The following MSRB3 variants were observed in gnomAD, a reference collection of about 807,000 sequenced individuals.
MSRB3 encodes the protein methionine sulfoxide reductase B3, also known as methionine-R-sulfoxide reductase B3.
MSRB3 carries 13 observed loss-of-function variants against 21.0 expected under a neutral mutation model. The ratio of observed to expected loss-of-function variants is 0.62; its 90% confidence interval spans 0.40 to 0.98. The LOEUF is 0.98. Among genes scored for constraint, MSRB3 ranks in the 50% least tolerant of loss-of-function variants. The pLI is 0.00. For missense variants in MSRB3, 199 were observed against 230.3 expected (o/e 0.86, Z 0.88); for synonymous variants, 87 against 88.6 (o/e 0.98, Z 0.10).
chr12:65,419,537 C>G, intron 5 of MSRB3: 1 of 741,546 alleles, frequency 1.3e-6, no homozygotes, highest in African/African-American at 1.7e-5. Context: ...CTAAAGGCAT[C>G]AGCAGCAAGA....
chr12:65,403,486 C>T (rs1291990127), intron 5 of MSRB3, among the ~76,000 whole-genome samples: 4 of 152,176 alleles, frequency 2.6e-5, no homozygotes, highest in South Asian at 4.1e-4. Flanking sequence ...AGTTCAACTT[C>T]GGACTGCTGT....
chr12:65,390,760 A>G (rs1244259858), intron 5 of MSRB3, among the ~76,000 whole-genome samples: 2 of 152,178 alleles, frequency 1.3e-5, no homozygotes, highest in Non-Finnish European at 2.9e-5. Context: ...CATACTCTCT[A>G]CATGGAAAAA....
intron 5 of MSRB3, among the ~76,000 whole-genome samples, chr12:65,389,714 C>T (rs971366239): frequency 6.6e-6 from 1 of 152,152 alleles, no homozygotes; most frequent in African/African-American, 2.4e-5. Flanking sequence ...CATTTTTCAC[C>T]TTTGCCAGTG....
In MSRB3 at chr12:65,369,019, C is replaced by T. The variant is rs151307487; in HGVS notation, c.285C>T (p.Ser95=). Residue 95 remains serine, a synonymous_variant, in exon 5 of 7, where the codon TCC becomes TCT. Transcript: ENST00000308259. ...PLFKSETKFD[S]GSGWPSFHDV... is the part of the protein sequence containing the mutation. ...GCAGGTCAGAAACCAAATTTGACTC[C>T]GGTTCAGGTATGTTTACATTAATAA... is the stretch of plus-strand genomic sequence containing the variant. The T allele has an allele frequency of 4.4e-5, 66 of 1,494,340 alleles. No individual in the cohort carries two copies. The highest frequency in any genetic ancestry group is 1.3e-4 in the African/African-American group (9 of 70,266). 92.6% of individuals were successfully genotyped at this position (1,494,340 alleles called of 1,614,324 possible). A position where few individuals can be genotyped will look rare whatever the true frequency, so the allele number is the denominator to read the frequency against.
intron 5 of MSRB3, chr12:65,419,960 C>A: frequency 1.8e-6 from 1 of 570,460 alleles, no homozygotes; most frequent in Non-Finnish European, 3.4e-6. Flanking sequence ...AGCTGGGCAC[C>A]TGGATGGAGC....
chr12:65,348,036 C>G (rs1312604036), intron 4 of MSRB3, among the ~76,000 whole-genome samples: 3 of 152,126 alleles, frequency 2.0e-5, no homozygotes, highest in Non-Finnish European at 2.9e-5. Flanking sequence ...GGATATTGGT[C>G]TAAAATTCTC....
chr12:65,368,936 A>T, intron 4 of MSRB3, 62 bp from the exon 5 acceptor site: 2 of 172,540 alleles, frequency 1.2e-5, no homozygotes, highest in Non-Finnish European at 2.4e-5. Flanking sequence ...CCCCCCCCCC[A>T]TGAAATAATT....
intron 5 of MSRB3, among the ~76,000 whole-genome samples, chr12:65,386,633 G>A (rs181140115): frequency 3.9e-5 from 6 of 152,014 alleles, no homozygotes; most frequent in East Asian, 1.9e-4. Context: ...CTGGTTTAGC[G>A]TGTTAAGATA....
Position 65,453,960 on chromosome 12 carries a change from G to A in MSRB3, c.390+135G>A. On this transcript the variant is annotated intron_variant, in intron 6 of 6. Coordinates refer to ENST00000308259, the MANE Select transcript of MSRB3 (RefSeq NM_001031679.3). Reference sequence around the variant, plus strand: ...GACGAAGTTTATATGAAGTCCGATGGATGCCTATGTTCAGGTGTTTAGCAA... The same window carrying A: ...GACGAAGTTTATATGAAGTCCGATGAATGCCTATGTTCAGGTGTTTAGCAA... 5 of 743,762 alleles carry A rather than the reference G, an allele frequency of 6.7e-6. No individual in the cohort carries two copies. In the South Asian group the frequency reaches 7.2e-5, roughly 11 times the overall value. 46.1% of individuals were successfully genotyped at this position (743,762 alleles called of 1,614,324 possible).
chr12:65,446,137 ACACATCCTTATATTTG>A (rs1882605651), intron 5 of MSRB3, among the ~76,000 whole-genome samples: 1 of 152,146 alleles, frequency 6.6e-6, no homozygotes, highest in Non-Finnish European at 1.5e-5. Flanking sequence ...CATATGGGGG[ACACATCCTTATATTTG>A]CAATGGCAGG....
chr12:65,358,936 T>A (rs1028707796), intron 4 of MSRB3, among the ~76,000 whole-genome samples: 6 of 151,968 alleles, frequency 3.9e-5, no homozygotes, highest in Non-Finnish European at 8.8e-5. Flanking sequence ...CCTGGATGCA[T>A]TGGCCTCCCG....
intron 5 of MSRB3, among the ~76,000 whole-genome samples, chr12:65,394,485 A>G (rs1156686920): frequency 2.0e-5 from 3 of 152,356 alleles, no homozygotes; most frequent in East Asian, 1.9e-4. Context: ...CCCAGCCAGT[A>G]TCACTTCACT....
At chr12:65,333,247 AAC>A (rs1204587376) in intron 4 of MSRB3, among the ~76,000 whole-genome samples, 1 of 152,220 alleles carries the variant, frequency 6.6e-6, no homozygotes, top group Non-Finnish European at 1.5e-5. Flanking sequence ...TAGTAAGAAA[AAC>A]ACAACAAACC....
At chr12:65,294,677 A>G (rs563602809) in intron 1 of MSRB3, among the ~76,000 whole-genome samples, 2 of 152,268 alleles carry the variant, frequency 1.3e-5, no homozygotes, top group South Asian at 4.1e-4. Flanking sequence ...TTTATATGAG[A>G]CATTATTTTT....
intron 4 of MSRB3, among the ~76,000 whole-genome samples, chr12:65,342,737 G>A (rs551181975): frequency 2.6e-5 from 4 of 152,042 alleles, no homozygotes; most frequent in South Asian, 2.1e-4. Flanking sequence ...AGGAGTCTAT[G>A]TAAATGAGCT....
intron 5 of MSRB3, among the ~76,000 whole-genome samples, chr12:65,423,327 TG>T (rs1245716628): frequency 6.6e-6 from 1 of 152,170 alleles, no homozygotes; most frequent in Non-Finnish European, 1.5e-5. Flanking sequence ...CTTTCCAATT[TG>T]GGTGTATTTT....
rs529929020 is a variant in MSRB3 at position 65,397,328 on chromosome 12, T to C, written c.292+28302T>C. Among the ~76,000 whole-genome samples the C allele has an allele frequency of 2.0e-5, 3 of 152,310 alleles. No individual in the cohort carries two copies. In the South Asian group the frequency reaches 6.2e-4, roughly 32 times the overall value. On this transcript the variant is annotated intron_variant, in intron 5 of 6. Coordinates refer to ENST00000308259, the MANE Select transcript of MSRB3 (RefSeq NM_001031679.3). Reference sequence around the variant, plus strand: ...TTTGAACCATTCTGACAATCTCTGCTTTTTAAGTGGCATCTTTAGACCATT... The same window carrying C: ...TTTGAACCATTCTGACAATCTCTGCCTTTTAAGTGGCATCTTTAGACCATT...
chr12:65,409,143 A>G (rs1297733891), intron 5 of MSRB3, among the ~76,000 whole-genome samples: 2 of 149,346 alleles, frequency 1.3e-5, no homozygotes, highest in Non-Finnish European at 3.0e-5. Context: ...CAAAATACAT[A>G]TTATACCTAT....
intron 4 of MSRB3, among the ~76,000 whole-genome samples, chr12:65,350,292 A>G (rs1876866659): frequency 6.6e-6 from 1 of 151,900 alleles, no homozygotes; most frequent in Non-Finnish European, 1.5e-5. Context: ...TACCAGTACC[A>G]TGCTGTTTTG....
Sources: allele counts gnomAD v4.1 joint callset (sites outside exome capture counted in the v4.1 genomes callset), GRCh38; gene constraint gnomAD v4.1.1; transcripts MANE v1.5; gene names NCBI Gene and HGNC (gene_info 2026-07-23, HGNC 2026-07-21).